The following ALK variants were observed in gnomAD, a reference collection of about 807,000 sequenced individuals.
ALK encodes the protein ALK receptor tyrosine kinase.
Under a neutral mutation model 163.1 loss-of-function variants are expected in ALK, and 74 were observed. The ratio of observed to expected loss-of-function variants is 0.45; its 90% CI spans 0.38 to 0.55. The LOEUF (loss-of-function observed/expected upper bound fraction) is 0.55, where lower values mean the gene tolerates loss of function less well. Among genes scored for constraint, ALK ranks in the 20% least tolerant of loss-of-function variants. The pLI is 0.00. For synonymous variants in ALK, 960 were observed against 843.2 expected (o/e 1.14, Z -2.40); for missense variants, 2,063 against 2,105.3 (o/e 0.98, Z 0.39).
chr2:29,278,897 T>C (rs1665613860), intron 9 of ALK, among the ~76,000 whole-genome samples: 1 of 152,138 alleles, frequency 6.6e-6, no homozygotes, highest in Non-Finnish European at 1.5e-5. Flanking sequence ...AGCCAGGCCC[T>C]GGTTTCAATG....
At chr2:29,735,327 G>A (rs1679860595) in intron 1 of ALK, among the ~76,000 whole-genome samples, 2 of 152,036 alleles carry the variant, frequency 1.3e-5, no homozygotes, top group Admixed American at 1.3e-4. Flanking sequence ...TCTCTCCTAA[G>A]AAAATATTTG....
At chr2:29,555,889 T>A (rs1673840948) in intron 3 of ALK, among the ~76,000 whole-genome samples, 1 of 152,232 alleles carries the variant, frequency 6.6e-6, no homozygotes, top group Admixed American at 6.5e-5. Context: ...TAAATATTTA[T>A]AAACATGACT....
intron 5 of ALK, among the ~76,000 whole-genome samples, chr2:29,332,325 GT>G (rs1667469096): frequency 2.1e-5 from 1 of 48,670 alleles, no homozygotes; most frequent in African/African-American, 6.7e-5. Flanking sequence ...AAAAAAAAAA[GT>G]CTATGAGGTC....
At chr2:29,649,814 C>G (rs900843172) in intron 3 of ALK, among the ~76,000 whole-genome samples, 2 of 152,130 alleles carry the variant, frequency 1.3e-5, no homozygotes, top group Non-Finnish European at 2.9e-5. Context: ...AGTTGACTCA[C>G]CTCTGCCCTC....
intron 4 of ALK, among the ~76,000 whole-genome samples, chr2:29,420,986 C>A (rs922073451): frequency 6.6e-6 from 1 of 151,718 alleles, no homozygotes; most frequent in Non-Finnish European, 1.5e-5. Flanking sequence ...TCAGGAAAAG[C>A]AATGGCCAGG....
chr2:29,366,540 T>C (rs1037954603), intron 5 of ALK, among the ~76,000 whole-genome samples: 1 of 152,070 alleles, frequency 6.6e-6, no homozygotes, highest in East Asian at 1.9e-4. Flanking sequence ...GGAGGTCCTG[T>C]GGATGGAGAC....
chr2:29,424,258 C>A (rs559871796), intron 4 of ALK, among the ~76,000 whole-genome samples: 10 of 152,226 alleles, frequency 6.6e-5, no homozygotes, highest in Admixed American at 2.6e-4. Context: ...CTTATCTAAC[C>A]TGACTTTCTT....
chr2:29,490,776 T>C (rs946482897), intron 4 of ALK, among the ~76,000 whole-genome samples: 1 of 152,204 alleles, frequency 6.6e-6, no homozygotes, highest in African/African-American at 2.4e-5. Context: ...TATGCTGCAA[T>C]AATGTATGTG....
chr2:29,752,348 C>CTTTTTTTTTTTT (rs34424748), intron 1 of ALK, among the ~76,000 whole-genome samples: 5 of 120,982 alleles, frequency 4.1e-5, no homozygotes, highest in East Asian at 2.3e-4. Flanking sequence ...ATTTTCTTTT[C>CTTTTTTTTTTTT]TTTTTTTTTT....
At chr2:29,501,578 G>A (rs1034526418) in intron 4 of ALK, among the ~76,000 whole-genome samples, 8 of 152,096 alleles carry the variant, frequency 5.3e-5, no homozygotes, top group African/African-American at 1.9e-4. Flanking sequence ...GAAAGTACAG[G>A]TTCCCCTCAA....
intron 8 of ALK, among the ~76,000 whole-genome samples, chr2:29,307,629 C>T (rs886802838): frequency 2.0e-5 from 3 of 152,202 alleles, no homozygotes; most frequent in African/African-American, 7.2e-5. Context: ...TTAACTTCAG[C>T]TGAGAATACT....
intron 3 of ALK, among the ~76,000 whole-genome samples, chr2:29,653,837 G>C (rs1419873075): frequency 6.6e-6 from 1 of 152,110 alleles, no homozygotes; most frequent in Admixed American, 6.5e-5. Context: ...CAAGGCAGGA[G>C]GATCACTTGA....
intron 28 of ALK, 120 bp downstream of exon 28, chr2:29,196,650 C>G (rs1280521690): frequency 8.7e-6 from 7 of 806,144 alleles, no homozygotes; most frequent in African/African-American, 1.7e-5. Context: ...TTAATTTTCA[C>G]TATTTTGATC....
chr2:29,582,279 T>G (rs1443179238), intron 3 of ALK, among the ~76,000 whole-genome samples: 1 of 152,166 alleles, frequency 6.6e-6, no homozygotes, highest in East Asian at 1.9e-4. Flanking sequence ...GATATTTGAA[T>G]AGTACTCAGA....
rs534912406 is a variant in ALK at position 29,921,072 on chromosome 2, G to A, written c.-413C>T. The A allele has an allele frequency of 1.2e-4, 30 of 255,818 alleles. No individual in the cohort carries two copies. Among genetic ancestry groups the A allele is most frequent in the African/African-American group, 5.8e-4 (27 of 46,212 alleles). The allele number at this position is 255,818 out of a possible 1,614,324, so 15.8% of individuals were successfully genotyped here. On this transcript the variant is annotated 5_prime_UTR_variant, in exon 1 of 29. Transcript: ENST00000389048. ...GAGCTGGGGTCTGTCCCCTCTCGGGGCAGCCTCCAATCTCTGCAACTTTTA... is the reference window on the plus strand; with the variant it reads ...GAGCTGGGGTCTGTCCCCTCTCGGGACAGCCTCCAATCTCTGCAACTTTTA...
At chr2:29,871,900 A>G (rs999722096) in intron 1 of ALK, among the ~76,000 whole-genome samples, 4 of 152,224 alleles carry the variant, frequency 2.6e-5, no homozygotes, top group African/African-American at 7.2e-5. Context: ...CTGCCCGATC[A>G]GGTGAGAGAG....
intron 1 of ALK, among the ~76,000 whole-genome samples, chr2:29,908,031 G>A (rs1411151647): frequency 6.6e-6 from 1 of 152,100 alleles, no homozygotes; most frequent in Non-Finnish European, 1.5e-5. Flanking sequence ...TGGTGTAATA[G>A]CTTCACGGGG....
At chr2:29,603,910 C>T (rs747251000) in intron 3 of ALK, among the ~76,000 whole-genome samples, 2 of 152,166 alleles carry the variant, frequency 1.3e-5, no homozygotes, top group South Asian at 2.1e-4. Flanking sequence ...CCAATTTAAA[C>T]GATGTTTTCC....
At chr2:29,333,089 T>C (rs1230531295) in intron 5 of ALK, among the ~76,000 whole-genome samples, 1 of 152,100 alleles carries the variant, frequency 6.6e-6, no homozygotes, top group African/African-American at 2.4e-5. Context: ...TGGATTTCTT[T>C]GATAGCCAGT....
Sources: gnomAD v4.1 joint callset for allele counts (sites outside exome capture counted in the v4.1 genomes callset) on GRCh38, gnomAD v4.1.1 for gene constraint, MANE v1.5 for transcripts, NCBI Gene and HGNC (gene_info 2026-07-23, HGNC 2026-07-21) for gene names.